CFAP299: variants seen among roughly 807,000 people sequenced by gnomAD.
CFAP299 encodes cilia- and flagella-associated protein 299.
CFAP299 carries 21 observed loss-of-function variants against 27.0 expected under a neutral mutation model. The observed-to-expected ratio is 0.78, with a 90% CI of 0.55 to 1.12. The LOEUF is 1.12. Among genes scored for constraint, CFAP299 ranks in the 50% most tolerant of loss-of-function variants. The pLI, the probability that CFAP299 is intolerant of heterozygous loss-of-function variation, is 0.00. For synonymous variants in CFAP299, 104 were observed against 98.1 expected, an observed-to-expected ratio of 1.06 and a Z score of -0.36; for missense variants, 310 against 276.6, an observed-to-expected ratio of 1.12 and a Z score of -0.86.
chr4:80,634,077 G>A (rs1270520317), intron 3 of CFAP299, among the ~76,000 whole-genome samples: 6 of 147,734 alleles, frequency 4.1e-5, no homozygotes, highest in African/African-American at 7.6e-5. Context: ...TTCACCTCCC[G>A]GGTTCAAGTG....
chr4:80,583,648 T>C lies in CFAP299; in HGVS notation c.333+465T>C, dbSNP rs1736285884. On this transcript the variant is annotated intron_variant, in intron 3 of 5. Transcript: ENST00000358105. ...AAGAACTGTGTTATCATTATTATTTTGAATGATCCAAGGAGAATATACTTT... is the reference window on the plus strand; with the variant it reads ...AAGAACTGTGTTATCATTATTATTTCGAATGATCCAAGGAGAATATACTTT... Among the ~76,000 whole-genome samples the C allele has an allele frequency of 2.0e-5, 3 of 151,968 alleles. No homozygotes were observed. In the South Asian group the frequency reaches 6.2e-4, roughly 31 times the overall value.
chr4:80,902,240 C>T (rs886394809), intron 4 of CFAP299, among the ~76,000 whole-genome samples: 4 of 150,938 alleles, frequency 2.7e-5, no homozygotes, highest in African/African-American at 9.7e-5. Flanking sequence ...AAAGTCTATC[C>T]TGAACATCTA....
chr4:80,478,985 A>G (rs1730423130), intron 2 of CFAP299, among the ~76,000 whole-genome samples: 2 of 152,044 alleles, frequency 1.3e-5, no homozygotes, highest in South Asian at 4.1e-4. Flanking sequence ...GAGTATCACA[A>G]TTCAAGATGA....
At chr4:80,833,543 C>T (rs1730409136) in intron 3 of CFAP299, among the ~76,000 whole-genome samples, 1 of 152,102 alleles carries the variant, frequency 6.6e-6, no homozygotes, top group Admixed American at 6.5e-5. Context: ...AGAAAATTTT[C>T]TACTGCTTAG....
intron 2 of CFAP299, among the ~76,000 whole-genome samples, chr4:80,476,182 T>G (rs1476249011): frequency 6.6e-6 from 1 of 152,188 alleles, no homozygotes; most frequent in East Asian, 1.9e-4. Flanking sequence ...CACTCACAGC[T>G]TCACCATCAC....
At chr4:80,441,698 CAT>C (rs1728365370) in intron 2 of CFAP299, among the ~76,000 whole-genome samples, 1 of 152,176 alleles carries the variant, frequency 6.6e-6, no homozygotes, top group African/African-American at 2.4e-5. Context: ...TAAATTCACA[CAT>C]AATAATATTA....
At position 80,362,887 on chromosome 4, in the gene CFAP299, AAGTGTCCATG is replaced by A. The variant is rs749728467; in HGVS notation, c.242+4_242+13del. 6.2e-7 allele frequency: 1 copy of A among 1,601,204 alleles called. No individual in the cohort carries two copies. Among genetic ancestry groups the A allele is most frequent in the East Asian group, 2.2e-5 (1 of 44,578 alleles). On this transcript the variant is annotated splice_donor_5th_base_variant and intron_variant, in intron 2 of 5. Coordinates refer to ENST00000358105, the MANE Select transcript of CFAP299 (RefSeq NM_152770.3). Reference sequence around the variant, plus strand: ...CTGGCTGAAAGAGCTCAGCAAAAGTAAGTGTCCATGTTCCAAATCCAGATTTTATGTTATA... The same window carrying A: ...CTGGCTGAAAGAGCTCAGCAAAAGTATTCCAAATCCAGATTTTATGTTATA...
At chr4:80,611,667 C>T (rs937462998) in intron 3 of CFAP299, among the ~76,000 whole-genome samples, 1 of 152,022 alleles carries the variant, frequency 6.6e-6, no homozygotes, top group Admixed American at 6.6e-5. Flanking sequence ...TTGCAATTTG[C>T]TTTTAGCCTG....
At chr4:80,671,000 C>A (rs1341382293) in intron 3 of CFAP299, among the ~76,000 whole-genome samples, 2 of 152,140 alleles carry the variant, frequency 1.3e-5, no homozygotes, top group Non-Finnish European at 2.9e-5. Context: ...TTAATTAGAT[C>A]GCATTTGTCT....
At chr4:80,927,576 T>A (rs1311801427) in intron 4 of CFAP299, among the ~76,000 whole-genome samples, 1 of 152,002 alleles carries the variant, frequency 6.6e-6, no homozygotes, top group Non-Finnish European at 1.5e-5. Context: ...GAAATCAAGG[T>A]GTTGGCAGAG....
chr4:80,955,969 A>C (rs1444398827), intron 5 of CFAP299, among the ~76,000 whole-genome samples: 2 of 152,052 alleles, frequency 1.3e-5, no homozygotes. Context: ...GTGCCACTAC[A>C]CTCCAGCCTG....
intron 3 of CFAP299, among the ~76,000 whole-genome samples, chr4:80,607,444 C>CAG (rs1737739338): frequency 6.6e-6 from 1 of 151,262 alleles, no homozygotes; most frequent in Admixed American, 6.6e-5. Flanking sequence ...ATCAGTGAGA[C>CAG]AGAGAGAGAC....
At chr4:80,474,210 A>C (rs1160236344) in intron 2 of CFAP299, among the ~76,000 whole-genome samples, 1 of 152,156 alleles carries the variant, frequency 6.6e-6, no homozygotes, top group Non-Finnish European at 1.5e-5. Context: ...AACCTATTTA[A>C]TTATGAATCT....
At chr4:80,713,263 C>T (rs1426537497) in intron 3 of CFAP299, among the ~76,000 whole-genome samples, 1 of 152,086 alleles carries the variant, frequency 6.6e-6, no homozygotes, top group African/African-American at 2.4e-5. Flanking sequence ...CAAAGTTGGA[C>T]TCTATTAACC....
At chr4:80,646,889 A>T (rs76462544) in intron 3 of CFAP299, among the ~76,000 whole-genome samples, 3,151 of 152,222 alleles carry the variant, frequency 0.021, 81 homozygotes, top group South Asian at 0.053. Flanking sequence ...GTATTCTTCG[A>T]TCTGGCAGTA....
At chr4:80,530,887 G>A (rs1472056106) in intron 2 of CFAP299, among the ~76,000 whole-genome samples, 1 of 152,210 alleles carries the variant, frequency 6.6e-6, no homozygotes, top group Non-Finnish European at 1.5e-5. Flanking sequence ...AAGCAAGAGA[G>A]CTGGTAGGAA....
chr4:80,776,432 A>G (rs1185129123), intron 3 of CFAP299, among the ~76,000 whole-genome samples: 2 of 152,126 alleles, frequency 1.3e-5, no homozygotes, highest in Non-Finnish European at 2.9e-5. Flanking sequence ...ATATGCAAAT[A>G]TATTTATATG....
intron 3 of CFAP299, among the ~76,000 whole-genome samples, chr4:80,681,035 G>T (rs757891656): frequency 3.9e-5 from 6 of 152,098 alleles, no homozygotes; most frequent in Non-Finnish European, 8.8e-5. Flanking sequence ...GTGGAGGCAA[G>T]GCAAGGGAAG....
At chr4:80,724,154 G>C (rs1056950423) in intron 3 of CFAP299, among the ~76,000 whole-genome samples, 7 of 151,986 alleles carry the variant, frequency 4.6e-5, no homozygotes, top group Non-Finnish European at 1.0e-4. Context: ...CTATAAATTT[G>C]TATTGTATTT....
Sources: gnomAD v4.1 joint callset for allele counts (sites outside exome capture counted in the v4.1 genomes callset) on GRCh38, gnomAD v4.1.1 for gene constraint, MANE v1.5 for transcripts, NCBI Gene and HGNC (gene_info 2026-07-23, HGNC 2026-07-21) for gene names.